Variants in RNF141 observed in about 807,000 individuals in gnomAD.
RNF141 encodes C3HC4-like zinc finger protein.
Under a neutral mutation model 27.4 loss-of-function variants are expected in RNF141, and 18 were observed. The observed-to-expected ratio is 0.66, with a 90% CI of 0.45 to 0.97. The LOEUF is 0.97. Among genes scored for constraint, RNF141 ranks in the 50% least tolerant of loss-of-function variants. The probability of loss-of-function intolerance (pLI) is 0.00; values close to 1 mark genes in which losing one functional copy is unlikely to be tolerated. For synonymous variants in RNF141, 97 were observed against 96.6 expected, an observed-to-expected ratio of 1.00 and a Z score of -0.02; for missense variants, 230 against 279.4, an observed-to-expected ratio of 0.82 and a Z score of 1.26.
intron 3 of RNF141, among the ~76,000 whole-genome samples, chr11:10,527,492 A>G (rs946433916): frequency 3.4e-5 from 5 of 148,746 alleles, no homozygotes; most frequent in African/African-American, 1.2e-4. Flanking sequence ...AGGAGCACAG[A>G]GAGTCTCACA....
intron 2 of RNF141, chr11:10,532,037 C>G: frequency 2.2e-6 from 1 of 451,368 alleles, no homozygotes; most frequent in Non-Finnish European, 4.4e-6. Flanking sequence ...AAAGGAAGAC[C>G]TCTGTATCAC....
chr11:10,512,572 G>A lies in RNF141; in HGVS notation c.*2344C>T, dbSNP rs1177171432. On this transcript the variant is annotated 3_prime_UTR_variant, in exon 6 of 6. Coordinates refer to ENST00000265981, the MANE Select transcript of RNF141 (RefSeq NM_016422.4). ...GTAAGGTAACTCTGTTCACTTTTCA[G>A]AAACATTTTAAAATTAGGTAATCTG... is the stretch of plus-strand genomic sequence containing the variant. The A allele has an allele frequency of 6.6e-6, 1 of 152,404 alleles. No individual in the cohort carries two copies. The highest frequency in any genetic ancestry group is 2.4e-5 in the African/African-American group (1 of 41,436). The allele number at this position is 152,404 out of a possible 1,614,324, so 9.4% of individuals were successfully genotyped here.
At chr11:10,524,493 C>T (rs1362353123) in intron 4 of RNF141, among the ~76,000 whole-genome samples, 1 of 152,100 alleles carries the variant, frequency 6.6e-6, no homozygotes, top group Non-Finnish European at 1.5e-5. Flanking sequence ...CCCAGTATGA[C>T]AGTAAGACAG....
At chr11:10,522,439 T>C (rs544961342) in intron 4 of RNF141, among the ~76,000 whole-genome samples, 13 of 152,336 alleles carry the variant, frequency 8.5e-5, no homozygotes, top group Non-Finnish European at 1.8e-4. Flanking sequence ...AAGGAGAGTC[T>C]TGTGCTGTTT....
At chr11:10,539,685 T>G (rs1850070150) in intron 1 of RNF141, among the ~76,000 whole-genome samples, 1 of 91,122 alleles carries the variant, frequency 1.1e-5, no homozygotes, top group Non-Finnish European at 2.2e-5. Context: ...CAGAAAAAGA[T>G]ACATACATAT....
intron 1 of RNF141, among the ~76,000 whole-genome samples, chr11:10,535,175 T>G (rs1671249662): frequency 1.3e-5 from 2 of 151,890 alleles, no homozygotes; most frequent in South Asian, 4.2e-4. Flanking sequence ...AGAAAAAGTT[T>G]TGGTAGGAAG....
At chr11:10,521,024 T>C (rs1015120441) in intron 4 of RNF141, among the ~76,000 whole-genome samples, 1 of 152,348 alleles carries the variant, frequency 6.6e-6, no homozygotes, top group East Asian at 1.9e-4. Flanking sequence ...TATCAGGTGC[T>C]GTGAGAGATA....
At chr11:10,526,931 A>C (rs1849941488) in intron 3 of RNF141, among the ~76,000 whole-genome samples, 1 of 152,238 alleles carries the variant, frequency 6.6e-6, no homozygotes, top group Admixed American at 6.5e-5. Context: ...ACTGTACATG[A>C]GGTAGAGAAT....
intron 1 of RNF141, among the ~76,000 whole-genome samples, chr11:10,540,512 C>CT (rs1396830283): frequency 6.6e-6 from 1 of 152,152 alleles, no homozygotes; most frequent in Non-Finnish European, 1.5e-5. Context: ...AGAAAACGTT[C>CT]TTTTCTTAGC....
chr11:10,522,336 T>G (rs1202122676), intron 4 of RNF141, among the ~76,000 whole-genome samples: 3 of 152,090 alleles, frequency 2.0e-5, no homozygotes, highest in African/African-American at 4.8e-5. Flanking sequence ...TGGAGAGAGA[T>G]AAAAGAATGG....
intron 5 of RNF141, chr11:10,517,056 A>C (rs1357580635): frequency 6.6e-6 from 1 of 152,200 alleles, no homozygotes; most frequent in Non-Finnish European, 1.5e-5. Flanking sequence ...AGAAAAATCA[A>C]TCATAACCAC....
At chr11:10,521,294 C>T (rs1291516609) in intron 4 of RNF141, among the ~76,000 whole-genome samples, 1 of 152,236 alleles carries the variant, frequency 6.6e-6, no homozygotes, top group Non-Finnish European at 1.5e-5. Flanking sequence ...TTAAATATTG[C>T]ATATTGATTG....
chr11:10,525,880 T>A (rs989643418), intron 3 of RNF141, among the ~76,000 whole-genome samples: 1 of 152,202 alleles, frequency 6.6e-6, no homozygotes, highest in African/African-American at 2.4e-5. Context: ...TGGTTGGACT[T>A]TTCCCAGAAG....
intron 3 of RNF141, among the ~76,000 whole-genome samples, chr11:10,530,389 A>G (rs1290428586): frequency 6.6e-6 from 1 of 152,196 alleles, no homozygotes; most frequent in Non-Finnish European, 1.5e-5. Flanking sequence ...CAGAGATAGA[A>G]GATTAGTATG....
intron 2 of RNF141, chr11:10,531,807 T>C (rs1355575719): frequency 8.2e-6 from 2 of 245,200 alleles, no homozygotes; most frequent in South Asian, 3.9e-5. Context: ...AATGAGGCCA[T>C]CGAAAGTTAA....
intron 1 of RNF141, among the ~76,000 whole-genome samples, chr11:10,539,851 C>G (rs1285831852): frequency 2.0e-5 from 3 of 151,068 alleles, no homozygotes; most frequent in African/African-American, 7.3e-5. Flanking sequence ...CTGGACCTCC[C>G]TTGCCTTTTT....
chr11:10,528,205 T>G (rs1261053485), intron 3 of RNF141, among the ~76,000 whole-genome samples: 1 of 152,180 alleles, frequency 6.6e-6, no homozygotes, highest in East Asian at 1.9e-4. Context: ...AGTACAATTT[T>G]TTTAAAGTTG....
rs998269113 is a variant in RNF141 at position 10,540,584 on chromosome 11, G to T, written c.-48+538C>A. 3.9e-5 allele frequency among the ~76,000 whole-genome samples: 6 copies of T among 152,342 alleles called. No individual in the cohort carries two copies. In the South Asian group the frequency reaches 8.3e-4, roughly 21 times the overall value. ...ACCTTTGGGAAGGGTAGCAGCCTAA[G>T]CCAATTCATAAGTGTGGGGCTGGCT... On this transcript the variant is annotated intron_variant, in intron 1 of 5. Transcript: ENST00000265981.
intron 3 of RNF141, among the ~76,000 whole-genome samples, chr11:10,530,231 A>G (rs949804105): frequency 1.3e-5 from 2 of 152,210 alleles, no homozygotes; most frequent in African/African-American, 4.8e-5. Context: ...AAAACAAAAA[A>G]ACTCTTTCAA....
Sources: gnomAD v4.1 joint callset for allele counts (sites outside exome capture counted in the v4.1 genomes callset) on GRCh38, gnomAD v4.1.1 for gene constraint, MANE v1.5 for transcripts, NCBI Gene and HGNC (gene_info 2026-07-23, HGNC 2026-07-21) for gene names.